The following RELN variants were observed in gnomAD, a reference collection of about 807,000 sequenced individuals.
The protein encoded by RELN is reelin.
Under a neutral mutation model 427.6 loss-of-function variants are expected in RELN, and 108 were observed. The observed-to-expected ratio is 0.25, with a 90% confidence interval of 0.22 to 0.30. The LOEUF (loss-of-function observed/expected upper bound fraction) is 0.30. RELN is among the 10% of genes least tolerant of loss of function. The pLI is 1.00. For synonymous variants in RELN, 1,524 were observed against 1,513.4 expected (o/e 1.01, Z -0.16); for missense variants, 3,715 against 4,302.8 (o/e 0.86, Z 3.82).
chr7:103,907,946 C>T (rs755600559), intron 2 of RELN, among the ~76,000 whole-genome samples: 19 of 152,016 alleles, frequency 1.2e-4, no homozygotes, highest in African/African-American at 2.4e-5. Context: ...AATGTTCTCC[C>T]TCTCCTTGCC....
chr7:103,859,237 G>C (rs1243362273), intron 2 of RELN, among the ~76,000 whole-genome samples: 1 of 152,182 alleles, frequency 6.6e-6, no homozygotes, highest in East Asian at 1.9e-4. Flanking sequence ...GGACACTTCA[G>C]TGTCACCATG....
intron 51 of RELN, among the ~76,000 whole-genome samples, chr7:103,507,315 A>T (rs1189572905): frequency 6.6e-6 from 1 of 152,258 alleles, no homozygotes; most frequent in African/African-American, 2.4e-5. Context: ...AAAAGAGCGG[A>T]AATCATAACA....
chr7:103,478,172 T>G (rs947944564), intron 64 of RELN, among the ~76,000 whole-genome samples: 1 of 152,182 alleles, frequency 6.6e-6, no homozygotes, highest in Non-Finnish European at 1.5e-5. Flanking sequence ...CCCTATATTG[T>G]ATATATTAGG....
At chr7:103,833,138 A>G (rs1793315652) in intron 3 of RELN, among the ~76,000 whole-genome samples, 1 of 152,052 alleles carries the variant, frequency 6.6e-6, no homozygotes, top group Non-Finnish European at 1.5e-5. Flanking sequence ...TCTTTTAGCA[A>G]TTTTGAGATA....
Position 103,535,375 on chromosome 7 carries a change from C to G in RELN, c.7290G>C (p.Leu2430=). The change falls in exon 46 of 65, where the codon CTG becomes CTC. Residue 2430 remains leucine, a synonymous_variant. Transcript: ENST00000428762. ...TCCACTTGTTGAAAGTGTCTGACAC[C>G]AGGATCCGTTGCAGATGATAGCGAC... ...ECSRYHLQRI[L]VSDTFNKWTR... is the part of the protein sequence containing the mutation. The G allele has an allele frequency of 6.2e-7, 1 of 1,614,020 alleles. No individual in the cohort carries two copies. The highest frequency in any genetic ancestry group is 8.5e-7 in the Non-Finnish European group (1 of 1,179,976).
intron 2 of RELN, among the ~76,000 whole-genome samples, chr7:103,896,627 G>A (rs1197924653): frequency 1.3e-5 from 2 of 151,998 alleles, no homozygotes; most frequent in African/African-American, 2.4e-5. Context: ...GGAGAGATAT[G>A]AGGGAACTTC....
chr7:103,547,507 G>A (rs1325616071), intron 41 of RELN, among the ~76,000 whole-genome samples: 1 of 152,140 alleles, frequency 6.6e-6, no homozygotes, highest in Non-Finnish European at 1.5e-5. Flanking sequence ...ATGTTGGCCA[G>A]GCTGCTCTCA....
chr7:103,799,615 G>A lies in RELN; in HGVS notation c.474-22988C>T, dbSNP rs148002919. Among the ~76,000 whole-genome samples the A allele has an allele frequency of 1.2e-3, 181 of 152,218 alleles. 2 individuals are homozygous for A. Among genetic ancestry groups the A allele is most frequent in the African/African-American group, 4.2e-3 (173 of 41,538 alleles). ...CCCAAGATGTGGTATCATCTTAAAC[G>A]TCTTCCTCAGAGAGGCCTTTCCCAA... is the stretch of plus-strand genomic sequence containing the variant. On this transcript the variant is annotated intron_variant, in intron 3 of 64. Transcript: ENST00000428762.
rs577943317 is a variant in RELN, at chr7:103,661,445, C to G, written c.1372G>C (p.Glu458Gln). ...GLSMVFLKDG[E>Q]RKLCTPSMDT... The stretch of plus-strand genomic sequence containing the variant: ...ATGGATGGAGTGCATAATTTCCTCT[C>G]TCCATCTTTGAGGAAGACCATTGAT... Residue 458 changes from glutamate (E) to glutamine (Q), a missense_variant, in exon 12 of 65, where the codon GAG becomes CAG. Coordinates refer to ENST00000428762, the MANE Select transcript of RELN (RefSeq NM_005045.4). The G allele has an allele frequency of 3.1e-6, 5 of 1,613,710 alleles. No individual in the cohort carries two copies. The African/African-American group carries it at 5.3e-5, about 17-fold the overall frequency.
chr7:103,795,826 A>G (rs1792285133), intron 3 of RELN, among the ~76,000 whole-genome samples: 1 of 152,236 alleles, frequency 6.6e-6, no homozygotes, highest in African/African-American at 2.4e-5. Flanking sequence ...TACATTCTGG[A>G]TAAGTAGCAA....
Position 103,472,109 on chromosome 7 carries a change from G to GA in RELN, c.*702dup, listed in dbSNP as rs1827878961. ...AGGAAATGGGAACTTATTTGTGGGA[G>GA]ATAGGGTCTTCATCCACAATTTAAA... On this transcript the variant is annotated 3_prime_UTR_variant, in exon 65 of 65. Transcript: ENST00000428762. The GA allele has an allele frequency of 6.6e-6, 1 of 152,440 alleles. No homozygotes were observed. Among genetic ancestry groups the GA allele is most frequent in the African/African-American group, 2.4e-5 (1 of 41,450 alleles). The allele number at this position is 152,440 out of a possible 1,614,324, so 9.4% of individuals were successfully genotyped here. A position where few individuals can be genotyped will look rare whatever the true frequency, so the allele number is the denominator to read the frequency against.
At chr7:103,729,483 CAGA>C (rs1790299420) in intron 6 of RELN, among the ~76,000 whole-genome samples, 1 of 152,152 alleles carries the variant, frequency 6.6e-6, no homozygotes, top group South Asian at 2.1e-4. Flanking sequence ...TGTTTCCACA[CAGA>C]AGATCAACAG....
chr7:103,599,916 A>G (rs1335229922), intron 24 of RELN, among the ~76,000 whole-genome samples: 2 of 152,150 alleles, frequency 1.3e-5, no homozygotes, highest in East Asian at 1.9e-4. Context: ...TATTTATTTG[A>G]GACAGGGTCG....
At chr7:103,820,651 GT>G (rs1342805040) in intron 3 of RELN, among the ~76,000 whole-genome samples, 1 of 151,922 alleles carries the variant, frequency 6.6e-6, no homozygotes, top group African/African-American at 2.4e-5. Flanking sequence ...TTAAATCAGT[GT>G]TAAATTATAA....
chr7:103,591,035 AATGAATCAGTT>A (rs1831404798), intron 27 of RELN, among the ~76,000 whole-genome samples: 1 of 152,240 alleles, frequency 6.6e-6, no homozygotes, highest in South Asian at 2.1e-4. Context: ...GCTGAGTCCA[AATGAATCAGTT>A]TAGGCATTGG....
At chr7:103,480,533 AG>A (rs1409825873) in intron 63 of RELN, among the ~76,000 whole-genome samples, 1 of 152,234 alleles carries the variant, frequency 6.6e-6, no homozygotes, top group Non-Finnish European at 1.5e-5. Context: ...CTCTAAGACC[AG>A]AGCAAAACAT....
chr7:103,551,130 T>C lies in RELN; in HGVS notation c.6239A>G (p.Tyr2080Cys). ...STEHHPSSTYYAGTMQGWRRE... is the reference protein window; with the variant it reads ...STEHHPSSTYCAGTMQGWRRE... ...CCTCCAGCCCTGCATGGTTCCTGCG[T>C]AGTAGGTGCTGCTGGGGTGGTGCTC... The change falls in exon 41 of 65, where the codon TAC (tyrosine) becomes TGC (cysteine). Residue 2080 changes from tyrosine to cysteine, a missense_variant. Tyr to Cys is a radical substitution (Grantham distance 194). Transcript: ENST00000428762. 6.2e-7 allele frequency: 1 copy of C among 1,613,966 alleles called. No individual in the cohort carries two copies. The highest frequency in any genetic ancestry group is 8.5e-7 in the Non-Finnish European group (1 of 1,179,998).
intron 8 of RELN, among the ~76,000 whole-genome samples, chr7:103,709,154 G>C (rs149942160): frequency 2.0e-5 from 3 of 152,158 alleles, no homozygotes; most frequent in African/African-American, 7.2e-5. Flanking sequence ...CTTTTCTGTA[G>C]TATCTATTTT....
At chr7:103,546,467 T>C (rs1440575173) in intron 41 of RELN, among the ~76,000 whole-genome samples, 1 of 152,262 alleles carries the variant, frequency 6.6e-6, no homozygotes, top group African/African-American at 2.4e-5. Context: ...AATATCTGTG[T>C]ACAGGTAATT....
Sources: allele counts gnomAD v4.1 joint callset (sites outside exome capture counted in the v4.1 genomes callset), GRCh38; gene constraint gnomAD v4.1.1; transcripts MANE v1.5; gene names NCBI Gene and HGNC (gene_info 2026-07-23, HGNC 2026-07-21).